Variants in USP40 observed in about 807,000 individuals in gnomAD.
The protein encoded by USP40 is ubiquitin specific peptidase 40, also known as ubiquitin carboxyl-terminal hydrolase 40.
USP40 carries 143 observed loss-of-function variants against 166.2 expected under a neutral mutation model. The ratio of observed to expected loss-of-function variants is 0.86; its 90% confidence interval spans 0.75 to 0.99. USP40 has a LOEUF of 0.99. Among genes scored for constraint, USP40 ranks in the 50% least tolerant of loss-of-function variants. The probability of loss-of-function intolerance (pLI) is 0.00; values close to 1 mark genes in which losing one functional copy is unlikely to be tolerated. For missense variants in USP40, 1,444 were observed against 1,479.7 expected (o/e 0.98, Z 0.40); for synonymous variants, 498 against 524.0 (o/e 0.95, Z 0.68).
chr2:233,518,576 A>G (rs1013164711), intron 18 of USP40, among the ~76,000 whole-genome samples: 15 of 151,918 alleles, frequency 9.9e-5, no homozygotes, highest in Non-Finnish European at 1.8e-4. Context: ...CAAAAAAAAA[A>G]AAAAAAAAAA....
intron 8 of USP40, among the ~76,000 whole-genome samples, chr2:233,545,325 A>G (rs2069810956): frequency 6.6e-6 from 1 of 152,202 alleles, no homozygotes. Flanking sequence ...CCAACATATG[A>G]CAAGTTGATC....
At chr2:233,490,475 A>G (rs838563) in intron 26 of USP40, among the ~76,000 whole-genome samples, 148,717 of 152,278 alleles carry the variant, frequency 0.98, 72,630 homozygotes, top group East Asian at 1. Context: ...CCCAGCCAAC[A>G]TATGCTTTTT....
At chr2:233,525,685 A>G in intron 13 of USP40, 123 bp from the exon 14 acceptor site, 1 of 626,398 alleles carries the variant, frequency 1.6e-6, no homozygotes, top group Middle Eastern at 3.2e-4. Flanking sequence ...GAATACTCTC[A>G]CCCCCACCCA....
Position 233,562,738 on chromosome 2 carries a change from T to C in USP40, c.265A>G (p.Lys89Glu), listed in dbSNP as rs1351994070. Residue 89 changes from lysine to glutamate, a missense_variant and splice_region_variant, in exon 3 of 32, where the codon AAG (lysine) becomes GAG (glutamate). Coordinates refer to ENST00000678225, the MANE Select transcript of USP40 (RefSeq NM_001365479.2). Reference protein sequence around the residue: ...LFEDKDKPDAKVRIIPLQLQR... With the variant: ...LFEDKDKPDAEVRIIPLQLQR... ...AATAATAATAATAATAAAAATACCTTTGCATCGGGTTTATCCTTATCTTCA... is the reference window on the plus strand; with the variant it reads ...AATAATAATAATAATAAAAATACCTCTGCATCGGGTTTATCCTTATCTTCA... 5 of 1,514,988 alleles carry C rather than the reference T, an allele frequency of 3.3e-6. No individual in the cohort carries two copies. In the South Asian group the frequency reaches 5.2e-5, roughly 16 times the overall value. The allele number at this position is 1,514,988 out of a possible 1,614,324, so 93.8% of individuals were successfully genotyped here. A position where few individuals can be genotyped will look rare whatever the true frequency, so the allele number is the denominator to read the frequency against.
At chr2:233,539,212 C>CA (rs56701014) in intron 10 of USP40, among the ~76,000 whole-genome samples, 111,163 of 146,826 alleles carry the variant, frequency 0.76, 41,956 homozygotes, top group South Asian at 0.84. Context: ...ATAGAAAAGG[C>CA]AAAAAAAAAA....
chr2:233,502,590 C>T (rs2066147642), intron 21 of USP40, among the ~76,000 whole-genome samples: 2 of 152,126 alleles, frequency 1.3e-5, no homozygotes, highest in Non-Finnish European at 2.9e-5. Context: ...TGTTTGCACC[C>T]AGCCCAATAG....
chr2:233,547,556 C>G (rs1289542960), intron 8 of USP40, among the ~76,000 whole-genome samples: 1 of 152,166 alleles, frequency 6.6e-6, no homozygotes, highest in Non-Finnish European at 1.5e-5. Context: ...TAACAGGAAG[C>G]TATGCTTTAA....
intron 10 of USP40, 77 bp downstream of exon 10, chr2:233,540,585 G>A (rs373280200): frequency 1.2e-6 from 1 of 843,132 alleles, no homozygotes; most frequent in Non-Finnish European, 1.9e-6. Context: ...ATATCCTTCT[G>A]CAAAGGAATT....
intron 11 of USP40, among the ~76,000 whole-genome samples, chr2:233,529,812 TTC>T (rs1481760598): frequency 7.4e-6 from 1 of 134,458 alleles, no homozygotes; most frequent in Non-Finnish European, 1.6e-5. Flanking sequence ...CTTTTTCTTT[TTC>T]TTTTTTTTTT....
chr2:233,533,385 C>T, intron 11 of USP40, 94 bp downstream of exon 11: 1 of 1,323,290 alleles, frequency 7.6e-7, no homozygotes, highest in Non-Finnish European at 1.0e-6. Flanking sequence ...CAAGAGTAAA[C>T]CTTTTTTTAA....
At chr2:233,499,760 C>A (rs1219925936) in intron 22 of USP40, 119 bp downstream of exon 22, 1 of 770,354 alleles carries the variant, frequency 1.3e-6, no homozygotes, top group Non-Finnish European at 2.1e-6. Context: ...GAAGTGTAAA[C>A]TACTTTTTAT....
At chr2:233,483,767 G>GA (rs993444127) in intron 30 of USP40, among the ~76,000 whole-genome samples, 1 of 152,078 alleles carries the variant, frequency 6.6e-6, no homozygotes, top group African/African-American at 2.4e-5. Context: ...TCCAAAACCC[G>GA]AAAAAACCTG....
At chr2:233,522,211 T>G (rs1411929117) in intron 16 of USP40, among the ~76,000 whole-genome samples, 2 of 152,194 alleles carry the variant, frequency 1.3e-5, no homozygotes, top group African/African-American at 2.4e-5. Flanking sequence ...TAATCATTAT[T>G]AGGTTTAAAA....
Position 233,549,177 on chromosome 2 carries a change from T to G in USP40, c.890A>C (p.His297Pro). 1.3e-6 allele frequency: 2 copies of G among 1,567,534 alleles called. No individual in the cohort carries two copies. Among genetic ancestry groups the G allele is most frequent in the South Asian group, 2.3e-5 (2 of 87,350 alleles). The part of the protein sequence containing the change: ...YIYDLFSVII[H>P]KGGCYGGHYH... ...ATGGCCTCCGTAGCAGCCACCTTTG[T>G]GTATAATAACTGAGAAGAGGTCATA... Residue 297 changes from histidine (H) to proline (P), a missense_variant, in exon 8 of 32, where the codon CAC (histidine) becomes CCC (proline). Coordinates refer to ENST00000678225, the MANE Select transcript of USP40 (RefSeq NM_001365479.2).
intron 12 of USP40, among the ~76,000 whole-genome samples, chr2:233,528,346 G>A (rs1476520907): frequency 6.6e-6 from 1 of 152,062 alleles, no homozygotes. Context: ...AAAGTCCTTG[G>A]CAGCAGCCTG....
intron 16 of USP40, 99 bp downstream of exon 16, chr2:233,523,071 T>C: frequency 7.9e-7 from 1 of 1,264,580 alleles, no homozygotes; most frequent in East Asian, 2.3e-5. Context: ...TAAAGAAACA[T>C]TCAACTCTTG....
At chr2:233,560,057 G>A in intron 3 of USP40, 133 bp from the exon 4 acceptor site, 5 of 543,934 alleles carry the variant, frequency 9.2e-6, no homozygotes, top group South Asian at 3.1e-5. Flanking sequence ...CCTATTATAA[G>A]GGAAAAACTA....
chr2:233,498,862 C>T (rs186338897), intron 22 of USP40, among the ~76,000 whole-genome samples: 7 of 152,220 alleles, frequency 4.6e-5, no homozygotes, highest in Non-Finnish European at 1.0e-4. Context: ...TTATTTTTTT[C>T]ATTCATTTTA....
rs1174183315 is a variant in USP40 at position 233,486,126 on chromosome 2, C to G, written c.3198-149G>C. On this transcript the variant is annotated intron_variant, in intron 28 of 31. Coordinates refer to ENST00000678225, the MANE Select transcript of USP40 (RefSeq NM_001365479.2). This position sits in a 1 kb window ranked among gnomAD's most constrained non-coding sequence, Gnocchi z 4.0. ...CTAAATGCTGGATGCTAGTGGCAAA[C>G]TCTTATTCCGCATTTCAATTTCCTT... is the stretch of plus-strand genomic sequence containing the variant. The G allele has an allele frequency of 2.4e-6, 2 of 839,416 alleles. No individual in the cohort carries two copies. The highest frequency in any genetic ancestry group is 5.6e-5 in the East Asian group (2 of 35,744). The allele number at this position is 839,416 out of a possible 1,614,324, so 52.0% of individuals were successfully genotyped here. A position where few individuals can be genotyped will look rare whatever the true frequency, so the allele number is the denominator to read the frequency against.
Sources: gnomAD v4.1 joint callset for allele counts (sites outside exome capture counted in the v4.1 genomes callset) on GRCh38, gnomAD v4.1.1 for gene constraint, Gnocchi (gnomAD v3.1) non-coding constraint, MANE v1.5 for transcripts, NCBI Gene and HGNC (gene_info 2026-07-23, HGNC 2026-07-21) for gene names.